The following ITGA9 variants were observed in gnomAD, a reference collection of about 807,000 sequenced individuals.
ITGA9 encodes integrin subunit alpha 9.
In ITGA9, 56 loss-of-function variants were observed where a neutral mutation model predicts 127.8. That is an observed-to-expected ratio of 0.44 (90% CI 0.35 to 0.55). The LOEUF (loss-of-function observed/expected upper bound fraction) is 0.55, where lower values mean the gene tolerates loss of function less well. ITGA9 is among the 20% of genes least tolerant of loss of function. ITGA9 has a pLI of 0.00. For missense variants in ITGA9, 1,196 were observed against 1,347.1 expected (o/e 0.89, Z 1.76); for synonymous variants, 508 against 514.5 (o/e 0.99, Z 0.17).
At chr3:37,614,728 T>C (rs1285068516) in intron 15 of ITGA9, among the ~76,000 whole-genome samples, 2 of 151,964 alleles carry the variant, frequency 1.3e-5, no homozygotes, top group African/African-American at 2.4e-5. Context: ...TTTGAAGCAA[T>C]TGTGAATGGG....
chr3:37,665,516 CT>C (rs1028203888), intron 17 of ITGA9, among the ~76,000 whole-genome samples: 15 of 152,030 alleles, frequency 9.9e-5, no homozygotes, highest in African/African-American at 3.6e-4. Context: ...GTGGCGCTAT[CT>C]TGGCTCACTA....
At chr3:37,486,447 T>G (rs1302263953) in intron 4 of ITGA9, among the ~76,000 whole-genome samples, 1 of 152,234 alleles carries the variant, frequency 6.6e-6, no homozygotes, top group Non-Finnish European at 1.5e-5. Flanking sequence ...TAAGATCTAC[T>G]TAAGAGGTAT....
intron 23 of ITGA9, among the ~76,000 whole-genome samples, chr3:37,771,825 G>A (rs556590268): frequency 3.3e-5 from 5 of 152,186 alleles, no homozygotes; most frequent in African/African-American, 7.2e-5. Flanking sequence ...TGCTACAGTG[G>A]TGGAAATGGG....
At chr3:37,685,445 G>A (rs1216790468) in intron 18 of ITGA9, among the ~76,000 whole-genome samples, 1 of 152,136 alleles carries the variant, frequency 6.6e-6, no homozygotes, top group East Asian at 1.9e-4. Context: ...AATTACCGCT[G>A]GATTAAGCCC....
At chr3:37,494,033 C>A (rs1041048053) in intron 4 of ITGA9, among the ~76,000 whole-genome samples, 1 of 152,110 alleles carries the variant, frequency 6.6e-6, no homozygotes, top group East Asian at 1.9e-4. Flanking sequence ...CCTCTGTGGA[C>A]GGCTTGTTTC....
chr3:37,727,889 C>T (rs896138472), intron 18 of ITGA9, among the ~76,000 whole-genome samples: 1 of 152,172 alleles, frequency 6.6e-6, no homozygotes, highest in Non-Finnish European at 1.5e-5. Flanking sequence ...CTGCCAGATC[C>T]AGATTTATCA....
At chr3:37,459,874 G>C (rs1158727226) in intron 1 of ITGA9, among the ~76,000 whole-genome samples, 1 of 152,150 alleles carries the variant, frequency 6.6e-6, no homozygotes, top group African/African-American at 2.4e-5. Flanking sequence ...CACCCTTTGG[G>C]GATGCTTATT....
intron 17 of ITGA9, among the ~76,000 whole-genome samples, chr3:37,669,743 G>A (rs1330486774): frequency 6.6e-6 from 1 of 152,146 alleles, no homozygotes; most frequent in Non-Finnish European, 1.5e-5. Context: ...AGTAATGTGT[G>A]GGAGACCCCT....
At chr3:37,641,930 C>T (rs1283563114) in intron 16 of ITGA9, among the ~76,000 whole-genome samples, 1 of 152,124 alleles carries the variant, frequency 6.6e-6, no homozygotes, top group Non-Finnish European at 1.5e-5. Context: ...CCTGTATTTC[C>T]TGACTCAGCT....
chr3:37,761,056 G>A (rs1276546300), intron 23 of ITGA9, among the ~76,000 whole-genome samples: 1 of 152,206 alleles, frequency 6.6e-6, no homozygotes, highest in Non-Finnish European at 1.5e-5. Context: ...CACTTTGGGA[G>A]GCTGAAGCAG....
intron 15 of ITGA9, among the ~76,000 whole-genome samples, chr3:37,628,795 A>G (rs975562518): frequency 1.3e-5 from 2 of 152,222 alleles, no homozygotes; most frequent in African/African-American, 4.8e-5. Flanking sequence ...ATTTATCTCA[A>G]TGCAAAAGAG....
chr3:37,612,703 A>G (rs2125626547), intron 15 of ITGA9, among the ~76,000 whole-genome samples: 1 of 152,372 alleles, frequency 6.6e-6, no homozygotes, highest in South Asian at 2.1e-4. Flanking sequence ...AAACAAGCCA[A>G]AAGAAGTTGA....
At chr3:37,501,432 T>C (rs756730653) in intron 5 of ITGA9, among the ~76,000 whole-genome samples, 5 of 152,198 alleles carry the variant, frequency 3.3e-5, no homozygotes, top group Non-Finnish European at 7.3e-5. Context: ...AGATTATTAA[T>C]TAAAAAAATT....
chr3:37,703,197 GAT>G (rs1267238366), intron 18 of ITGA9, among the ~76,000 whole-genome samples: 1 of 152,280 alleles, frequency 6.6e-6, no homozygotes, highest in Non-Finnish European at 1.5e-5. Context: ...TGACCAATTA[GAT>G]ATGTTTTAAT....
At chr3:37,550,053 CT>C (rs1436675153) in intron 15 of ITGA9, among the ~76,000 whole-genome samples, 3 of 152,176 alleles carry the variant, frequency 2.0e-5, no homozygotes, top group African/African-American at 7.2e-5. Context: ...GAGATAGTTA[CT>C]GTTTTTATCC....
chr3:37,716,443 G>C (rs1701136315), intron 18 of ITGA9, among the ~76,000 whole-genome samples: 1 of 151,706 alleles, frequency 6.6e-6, no homozygotes, highest in Non-Finnish European at 1.5e-5. Flanking sequence ...GTAGAGGAGA[G>C]AGACATTGAA....
rs1698424905 is a variant in ITGA9, at chr3:37,471,007, G to T, written c.186G>T (p.Trp62Cys). The change falls in exon 2 of 28, where the codon TGG becomes TGT. Residue 62 changes from tryptophan to cysteine, a missense_variant and splice_region_variant. Physicochemically the swap from Trp to Cys is radical, Grantham distance 215 (BLOSUM62 -2). Coordinates refer to ENST00000264741, the MANE Select transcript of ITGA9 (RefSeq NM_002207.3). ...VLEHFHDNTRWVLVGAPKADS... is the reference protein window; with the variant it reads ...VLEHFHDNTRCVLVGAPKADS... ...AGAATGCCTTTTTCTCTTGCTGCAG[G>T]GTCCTTGTGGGCGCACCAAAGGCAG... 1 of 1,613,780 alleles carries T rather than the reference G, an allele frequency of 6.2e-7. No individual in the cohort carries two copies. Among genetic ancestry groups the T allele is most frequent in the Non-Finnish European group, 8.5e-7 (1 of 1,179,944 alleles).
chr3:37,793,051 A>G (rs1040321465), intron 26 of ITGA9, among the ~76,000 whole-genome samples: 6 of 152,052 alleles, frequency 3.9e-5, no homozygotes, highest in East Asian at 3.9e-4. Context: ...CTTCTCCCCA[A>G]ATCCTCAAGT....
In ITGA9 at chr3:37,542,442, A is replaced by G. The variant is rs760117939; in HGVS notation, c.1546A>G (p.Met516Val). 1 of 1,613,646 alleles carries G rather than the reference A, an allele frequency of 6.2e-7. No homozygotes were observed. The highest frequency in any genetic ancestry group is 1.3e-5 in the African/African-American group (1 of 74,996). The change falls in exon 15 of 28, where the codon ATG (methionine) becomes GTG (valine). Residue 516 changes from methionine (M) to valine (V), a missense_variant. Physicochemically the swap from Met to Val is conservative, Grantham distance 21. Coordinates refer to ENST00000264741, the MANE Select transcript of ITGA9 (RefSeq NM_002207.3). ...ATTGGCAGGCCTGAATTATGTTCTG[A>G]TGGCTGACGTGGCCAAAAAGGAGAA... is the stretch of plus-strand genomic sequence containing the variant. ...PGEIGLNYVLMADVAKKEKGQ... is the reference protein window; with the variant it reads ...PGEIGLNYVLVADVAKKEKGQ...
Sources: gnomAD v4.1 joint callset for allele counts (sites outside exome capture counted in the v4.1 genomes callset) on GRCh38, gnomAD v4.1.1 for gene constraint, MANE v1.5 for transcripts, NCBI Gene and HGNC (gene_info 2026-07-23, HGNC 2026-07-21) for gene names.